The following ACADM variants were observed in gnomAD, a reference collection of about 807,000 sequenced individuals.
The protein encoded by ACADM is medium-chain specific acyl-CoA dehydrogenase, mitochondrial.
ACADM carries 49 observed loss-of-function variants against 58.9 expected under a neutral mutation model. That is an observed-to-expected ratio of 0.83 (90% CI 0.66 to 1.06). The LOEUF is 1.06. Among genes scored for constraint, ACADM ranks in the 50% least tolerant of loss-of-function variants. ACADM has a pLI of 0.00. For missense variants in ACADM, 496 were observed against 507.0 expected (o/e 0.98, Z 0.21); for synonymous variants, 160 against 157.7 (o/e 1.01, Z -0.11).
At chr1:75,762,517 T>G (rs910036779) in intron 11 of ACADM, among the ~76,000 whole-genome samples, 175 bp from the exon 12 acceptor site, 1 of 152,172 alleles carries the variant, frequency 6.6e-6, no homozygotes, top group African/African-American at 2.4e-5. Context: ...GAGAATTCCA[T>G]ATTTTCAGAC....
intron 7 of ACADM, chr1:75,745,550 T>G: frequency 2.0e-6 from 1 of 490,280 alleles, no homozygotes; most frequent in South Asian, 2.2e-5. Flanking sequence ...GTACTGCGGG[T>G]AACTGAAACC....
intron 7 of ACADM, 38 bp from the exon 8 acceptor site, chr1:75,745,768 C>A: frequency 7.0e-7 from 1 of 1,422,686 alleles, no homozygotes; most frequent in South Asian, 1.1e-5. Context: ...TGTTATTTGC[C>A]GATATTATCA....
chr1:75,738,589 GTTTC>G (rs1647398734), intron 6 of ACADM, among the ~76,000 whole-genome samples: 1 of 152,148 alleles, frequency 6.6e-6, no homozygotes, highest in East Asian at 1.9e-4. Context: ...AATGTATATA[GTTTC>G]TTTCTTTTTT....
At position 75,750,527 on chromosome 1, in the gene ACADM, T is replaced by G. The variant is rs747593459; in HGVS notation, c.926T>G (p.Phe309Cys). 2.5e-6 allele frequency: 4 copies of G among 1,611,828 alleles called. No individual in the cohort carries two copies. The highest frequency in any genetic ancestry group is 4.5e-5 in the East Asian group (2 of 44,860). ...ATKYALERKT[F>C]GKLLVEHQAI... ...AAGTATGCCCTGGAAAGGAAAACTT[T>G]CGGAAAGCTACTTGTAGAGGTAATT... Residue 309 changes from phenylalanine (F) to cysteine (C), a missense_variant, in exon 10 of 12, where the codon TTC becomes TGC. Transcript: ENST00000370841.
rs564724392 is a variant in ACADM at position 75,760,897 on chromosome 1, C to T, written c.946-225C>T. Among the ~76,000 whole-genome samples, 5 of 152,038 alleles carry T rather than the reference C, an allele frequency of 3.3e-5. No homozygotes were observed. In the South Asian group the frequency reaches 1.0e-3, roughly 32 times the overall value. On this transcript the variant is annotated intron_variant, in intron 10 of 11. Transcript: ENST00000370841. The stretch of plus-strand genomic sequence containing the variant: ...GTGTAACTTCTATAAACCTAAAATT[C>T]GTTAATGAAAAGTTTAAAAAATAAA...
chr1:75,738,770 A>AAAC (rs922274774), intron 6 of ACADM, among the ~76,000 whole-genome samples: 3 of 151,906 alleles, frequency 2.0e-5, no homozygotes, highest in Non-Finnish European at 2.9e-5. Context: ...TTTGGACTGT[A>AAAC]AGTACCTTAA....
In ACADM at chr1:75,762,672, C is replaced by T; in HGVS notation, c.1195-20C>T. 1 of 1,487,142 alleles carries T rather than the reference C, an allele frequency of 6.7e-7. No individual in the cohort carries two copies. Among genetic ancestry groups the T allele is most frequent in the Non-Finnish European group, 9.4e-7 (1 of 1,065,450 alleles). 92.1% of individuals were successfully genotyped at this position (1,487,142 alleles called of 1,614,324 possible). Reference sequence around the variant, plus strand: ...TTATGTACTAAAGATATTTAACCTACACTTATATTTTTCTTGCAGATTTAT... The same window carrying T: ...TTATGTACTAAAGATATTTAACCTATACTTATATTTTTCTTGCAGATTTAT... On this transcript the variant is annotated intron_variant, in intron 11 of 11. Transcript: ENST00000370841.
intron 5 of ACADM, among the ~76,000 whole-genome samples, chr1:75,734,083 T>G (rs946941059): frequency 3.9e-5 from 6 of 152,082 alleles, no homozygotes; most frequent in Non-Finnish European, 8.8e-5. Flanking sequence ...CCTCCTGGGT[T>G]CAAGCAATTC....
At chr1:75,727,769 TCTG>T (rs1647078715) in intron 1 of ACADM, among the ~76,000 whole-genome samples, 1 of 152,162 alleles carries the variant, frequency 6.6e-6, no homozygotes, top group Non-Finnish European at 1.5e-5. Context: ...ACTACTTAGA[TCTG>T]CTGTGAAAGC....
intron 7 of ACADM, among the ~76,000 whole-genome samples, chr1:75,740,828 T>G (rs1440772741): frequency 6.6e-6 from 1 of 152,192 alleles, no homozygotes; most frequent in Non-Finnish European, 1.5e-5. Context: ...AAACATGTAT[T>G]GAAAAACTTG....
At chr1:75,741,513 G>A (rs1310576915) in intron 7 of ACADM, among the ~76,000 whole-genome samples, 1 of 152,146 alleles carries the variant, frequency 6.6e-6, no homozygotes, top group African/African-American at 2.4e-5. Context: ...TACAATCCCA[G>A]CAGTTTTGGA....
At chr1:75,754,451 C>T (rs1648384734) in intron 10 of ACADM, among the ~76,000 whole-genome samples, 1 of 152,050 alleles carries the variant, frequency 6.6e-6, no homozygotes, top group African/African-American at 2.4e-5. Flanking sequence ...ACCTTGTGAT[C>T]CACCCACCTT....
At chr1:75,754,538 T>G (rs1361395673) in intron 10 of ACADM, among the ~76,000 whole-genome samples, 3 of 152,180 alleles carry the variant, frequency 2.0e-5, no homozygotes, top group African/African-American at 4.8e-5. Flanking sequence ...ACTCTATGTA[T>G]AGCATTATGA....
At position 75,755,792 on chromosome 1, in the gene ACADM, A is replaced by G. The variant is rs144629958; in HGVS notation, c.945+5246A>G. On this transcript the variant is annotated intron_variant, in intron 10 of 11. Transcript: ENST00000370841. ...AGTTGAGAGAAGAAGGCTTCAGATG[A>G]TTGGTAATAACAAACTTCTCCGAGC... Among the ~76,000 whole-genome samples the G allele has an allele frequency of 2.4e-4, 36 of 152,330 alleles. No homozygotes were observed. In the East Asian group the frequency reaches 7.0e-3, roughly 29 times the overall value.
intron 10 of ACADM, among the ~76,000 whole-genome samples, chr1:75,760,651 G>A (rs998981893): frequency 3.4e-5 from 5 of 147,712 alleles, no homozygotes; most frequent in East Asian, 2.1e-4. Context: ...GTGCAAAGAC[G>A]TAAAAGATAA....
intron 10 of ACADM, among the ~76,000 whole-genome samples, chr1:75,759,522 T>C (rs1298550700): frequency 6.6e-6 from 1 of 152,214 alleles, no homozygotes; most frequent in Non-Finnish European, 1.5e-5. Flanking sequence ...CTATCCCTTA[T>C]TGAAAGTATT....
chr1:75,745,064 A>C (rs1647818080), intron 7 of ACADM, among the ~76,000 whole-genome samples: 2 of 152,196 alleles, frequency 1.3e-5, no homozygotes, highest in South Asian at 4.1e-4. Flanking sequence ...AGAAATACCA[A>C]ACCCTGTATA....
chr1:75,755,012 C>T (rs1460358087), intron 10 of ACADM: 1 of 152,358 alleles, frequency 6.6e-6, no homozygotes, highest in Non-Finnish European at 1.5e-5. Flanking sequence ...TCACCCACTG[C>T]TAGCACAGCA....
intron 7 of ACADM, among the ~76,000 whole-genome samples, chr1:75,741,977 A>C (rs1201842456): frequency 1.3e-5 from 2 of 152,358 alleles, no homozygotes; most frequent in East Asian, 3.9e-4. Context: ...CTGCATAAAG[A>C]AACAGTAGTT....
Sources: allele counts gnomAD v4.1 joint callset (sites outside exome capture counted in the v4.1 genomes callset), GRCh38; gene constraint gnomAD v4.1.1; transcripts MANE v1.5; gene names NCBI Gene and HGNC (gene_info 2026-07-23, HGNC 2026-07-21).